Variants in PHTF1 observed in about 807,000 individuals in gnomAD.
PHTF1 encodes the protein putative homeodomain transcription factor 1.
In PHTF1, 88 loss-of-function variants were observed where a neutral mutation model predicts 102.4. That is an observed-to-expected ratio of 0.86 (90% CI 0.72 to 1.03). The LOEUF is 1.03. PHTF1 is among the 50% of genes least tolerant of loss of function. PHTF1 has a pLI of 0.00. For synonymous variants in PHTF1, 289 were observed against 305.2 expected (o/e 0.95, Z 0.55); for missense variants, 814 against 909.5 (o/e 0.89, Z 1.35).
intron 6 of PHTF1, chr1:113,726,105 TAA>T: frequency 5.6e-6 from 1 of 178,014 alleles, no homozygotes; most frequent in African/African-American, 2.4e-5. Context: ...AAATTTTGAT[TAA>T]GACTGAATTT....
chr1:113,729,020 A>G (rs558495214), intron 5 of PHTF1, among the ~76,000 whole-genome samples: 6 of 152,352 alleles, frequency 3.9e-5, no homozygotes, highest in Non-Finnish European at 7.3e-5. Context: ...AAGCAACCTA[A>G]GTGTCCATCA....
Position 113,747,917 on chromosome 1 carries a change from T to C in PHTF1, c.103-9118A>G, listed in dbSNP as rs12129792. Among the ~76,000 whole-genome samples, 486 of 152,330 alleles carry C rather than the reference T, an allele frequency of 3.2e-3. 1 individual carries two copies. The highest frequency in any genetic ancestry group is 6.8e-3 in the Middle Eastern group (2 of 294). On this transcript the variant is annotated intron_variant, in intron 3 of 18. Coordinates refer to ENST00000369604, the MANE Select transcript of PHTF1 (RefSeq NM_001323043.2). The stretch of plus-strand genomic sequence containing the variant: ...ACTCCATGCTTAACCCAAGCTCTAA[T>C]TCTAAATGTTCTGAAATTTCATGAT...
At chr1:113,701,270 G>A (rs909411867) in intron 15 of PHTF1, among the ~76,000 whole-genome samples, 1 of 152,128 alleles carries the variant, frequency 6.6e-6, no homozygotes, top group African/African-American at 2.4e-5. Flanking sequence ...ATTATTCAAA[G>A]TAATAACTTT....
At chr1:113,757,377 GA>G (rs1037879076) in intron 3 of PHTF1, among the ~76,000 whole-genome samples, 1 of 152,154 alleles carries the variant, frequency 6.6e-6, no homozygotes, top group African/African-American at 2.4e-5. Flanking sequence ...AGCTTCTCTT[GA>G]AAAATCTGAA....
intron 5 of PHTF1, among the ~76,000 whole-genome samples, chr1:113,732,194 G>A (rs11578493): frequency 3.3e-5 from 5 of 152,070 alleles, no homozygotes; most frequent in Admixed American, 1.3e-4. Context: ...ATGTGGGAAA[G>A]CAGAATAATG....
chr1:113,713,297 A>T lies in PHTF1; in HGVS notation c.765T>A (p.Asp255Glu), dbSNP rs529721504. 1.0e-4 allele frequency: 163 copies of T among 1,613,764 alleles called. No homozygotes were observed. The highest frequency in any genetic ancestry group is 2.3e-4 in the Admixed American group (14 of 59,978). The change falls in exon 8 of 19, where the codon GAT (aspartate) becomes GAA (glutamate). Residue 255 changes from aspartate (D) to glutamate (E), a missense_variant. Coordinates refer to ENST00000369604, the MANE Select transcript of PHTF1 (RefSeq NM_001323043.2). ...WQTREKAKFS[D>E]GEKCRREAFR... Reference sequence around the variant, plus strand: ...ATCTTACCCTACGGCACTTTTCTCCATCTGAAAATTTTGCTTTCTCTCTTG... The same window carrying T: ...ATCTTACCCTACGGCACTTTTCTCCTTCTGAAAATTTTGCTTTCTCTCTTG...
chr1:113,719,415 CT>C (rs1652570261), intron 7 of PHTF1, among the ~76,000 whole-genome samples: 1 of 152,162 alleles, frequency 6.6e-6, no homozygotes, highest in Admixed American at 6.5e-5. Flanking sequence ...CTCTTTAATG[CT>C]TTGCTACTTA....
intron 7 of PHTF1, among the ~76,000 whole-genome samples, chr1:113,721,218 G>A (rs531130883): frequency 2.0e-5 from 3 of 152,208 alleles, no homozygotes; most frequent in Admixed American, 6.5e-5. Flanking sequence ...ATCAATTAAC[G>A]TGACACATCA....
At chr1:113,716,309 G>C (rs1161914023) in intron 7 of PHTF1, among the ~76,000 whole-genome samples, 1 of 149,572 alleles carries the variant, frequency 6.7e-6, no homozygotes, top group Admixed American at 6.6e-5. Flanking sequence ...GGAGAGAGTG[G>C]TATGACATAT....
chr1:113,749,485 A>G (rs969330731), intron 3 of PHTF1: 3 of 152,148 alleles, frequency 2.0e-5, no homozygotes, highest in African/African-American at 7.2e-5. Flanking sequence ...CTTAATCCCC[A>G]TTATTAGTGC....
chr1:113,757,327 C>G (rs570510872), intron 3 of PHTF1, among the ~76,000 whole-genome samples: 1 of 152,302 alleles, frequency 6.6e-6, no homozygotes, highest in South Asian at 2.1e-4. Context: ...AAATCCGACA[C>G]AAAATGCACA....
Position 113,706,574 on chromosome 1 carries a change from G to C in PHTF1, c.1398+20C>G, listed in dbSNP as rs751028060. The C allele has an allele frequency of 1.7e-5, 26 of 1,559,162 alleles. No individual in the cohort carries two copies. The highest frequency in any genetic ancestry group is 2.2e-5 in the Non-Finnish European group (25 of 1,160,618). On this transcript the variant is annotated intron_variant, in intron 12 of 18. Transcript: ENST00000369604. ...ACTTCGTATATTTTTTGAAAAATCT[G>C]AAAACATATTCAGTCTTACCCTGCT...
chr1:113,752,385 A>ATTTTTTTTTTTT (rs774522219), intron 3 of PHTF1, among the ~76,000 whole-genome samples: 2 of 47,888 alleles, frequency 4.2e-5, no homozygotes, highest in Non-Finnish European at 3.8e-5. Context: ...TGTTACTGTA[A>ATTTTTTTTTTTT]TTTTTTTTTT....
intron 7 of PHTF1, among the ~76,000 whole-genome samples, chr1:113,716,557 C>T (rs1300200553): frequency 1.3e-5 from 2 of 151,746 alleles, no homozygotes; most frequent in East Asian, 3.9e-4. Flanking sequence ...CTAATGTTGC[C>T]CAGGTTGGTC....
intron 5 of PHTF1, among the ~76,000 whole-genome samples, chr1:113,732,856 A>G (rs935673310): frequency 1.3e-5 from 2 of 152,144 alleles, no homozygotes; most frequent in African/African-American, 4.8e-5. Context: ...TCAACAAGCT[A>G]AATATTTTTT....
chr1:113,713,179 T>C, intron 8 of PHTF1, 100 bp downstream of exon 8: 3 of 1,052,682 alleles, frequency 2.8e-6, no homozygotes, highest in Non-Finnish European at 4.3e-6. Context: ...AGGACAAATT[T>C]ATAAACCTAC....
chr1:113,754,169 G>C (rs1197144976), intron 3 of PHTF1, among the ~76,000 whole-genome samples: 3 of 152,148 alleles, frequency 2.0e-5, no homozygotes, highest in Non-Finnish European at 2.9e-5. Flanking sequence ...TCGGCACTTT[G>C]AGAGGACAAG....
intron 7 of PHTF1, among the ~76,000 whole-genome samples, chr1:113,717,605 C>T (rs542451484): frequency 5.9e-5 from 9 of 152,156 alleles, no homozygotes; most frequent in East Asian, 1.9e-4. Context: ...AAAACATACC[C>T]GAGATTGGGA....
chr1:113,745,271 C>G (rs1657050306), intron 3 of PHTF1, among the ~76,000 whole-genome samples: 2 of 152,048 alleles, frequency 1.3e-5, no homozygotes, highest in Admixed American at 6.6e-5. Context: ...AGTCAGGAAA[C>G]AGTTTTAAGT....
Sources: gnomAD v4.1 joint callset for allele counts (sites outside exome capture counted in the v4.1 genomes callset) on GRCh38, gnomAD v4.1.1 for gene constraint, MANE v1.5 for transcripts, NCBI Gene and HGNC (gene_info 2026-07-23, HGNC 2026-07-21) for gene names.